The following NOL10 variants were observed in gnomAD, a reference collection of about 807,000 sequenced individuals.
NOL10 encodes the protein nucleolar protein 10, also known as H_NH0074G24.1.
NOL10 carries 58 observed loss-of-function variants against 103.5 expected under a neutral mutation model. That is an observed-to-expected ratio of 0.56 (90% confidence interval 0.45 to 0.70). NOL10 has a LOEUF of 0.70. Ranked by LOEUF, NOL10 falls within the 30% of genes least tolerant of loss-of-function variation. The pLI is 0.00. For synonymous variants in NOL10, 287 were observed against 282.5 expected (o/e 1.02, Z -0.16); for missense variants, 763 against 807.3 (o/e 0.95, Z 0.67).
chr2:10,575,254 T>C (rs936162142), intron 20 of NOL10, among the ~76,000 whole-genome samples: 1 of 152,250 alleles, frequency 6.6e-6, no homozygotes, highest in South Asian at 2.1e-4. Flanking sequence ...TTAAACGACA[T>C]TAAAGCATGG....
At chr2:10,597,034 A>G (rs1335669650) in intron 17 of NOL10, among the ~76,000 whole-genome samples, 2 of 152,002 alleles carry the variant, frequency 1.3e-5, no homozygotes, top group Admixed American at 6.6e-5. Context: ...CAGTGGTGTG[A>G]TCATGGCTCA....
In NOL10 at chr2:10,683,166, C is replaced by G. The variant is rs1681902600; in HGVS notation, c.113-1097G>C. ...CCAATTATCTGCAGACAAGAGGAAA[C>G]CCCTTTGATACCTTAGGTTTTTAAA... On this transcript the variant is annotated intron_variant, in intron 2 of 20. Transcript: ENST00000381685. 2.0e-5 allele frequency among the ~76,000 whole-genome samples: 3 copies of G among 152,120 alleles called. 1 individual carries two copies. Among genetic ancestry groups the G allele is most frequent in the Admixed American group, 1.3e-4 (2 of 15,264 alleles).
intron 4 of NOL10, among the ~76,000 whole-genome samples, chr2:10,674,563 G>A (rs1681168306): frequency 6.6e-6 from 1 of 152,224 alleles, no homozygotes; most frequent in African/African-American, 2.4e-5. Flanking sequence ...GTTTCAGCTG[G>A]GCGCAGTGGC....
intron 9 of NOL10, among the ~76,000 whole-genome samples, chr2:10,660,637 T>C (rs1323797342): frequency 6.6e-6 from 1 of 151,988 alleles, no homozygotes; most frequent in African/African-American, 2.4e-5. Context: ...TCTTATCGAG[T>C]TTTACAATTT....
At chr2:10,636,626 AG>A (rs1433767781) in intron 13 of NOL10, among the ~76,000 whole-genome samples, 39 of 146,824 alleles carry the variant, frequency 2.7e-4, no homozygotes, top group Non-Finnish European at 4.8e-4. Context: ...AAAAAAAAAA[AG>A]TATCTTCTTA....
chr2:10,638,483 CTTTTTTTTTTTTT>C (rs869294782), intron 13 of NOL10, among the ~76,000 whole-genome samples: 8 of 77,784 alleles, frequency 1.0e-4, no homozygotes, highest in African/African-American at 2.7e-4. Flanking sequence ...GCTGAATTCC[CTTTTTTTTTTTTT>C]TTTTTTTTTT....
intron 13 of NOL10, among the ~76,000 whole-genome samples, chr2:10,635,699 G>T (rs749695373): frequency 6.6e-6 from 1 of 152,154 alleles, no homozygotes; most frequent in African/African-American, 2.4e-5. Context: ...CAAGGGCGGT[G>T]AGTGTACAAT....
chr2:10,615,564 G>A (rs1040817754), intron 13 of NOL10, among the ~76,000 whole-genome samples: 1 of 152,196 alleles, frequency 6.6e-6, no homozygotes, highest in Admixed American at 6.5e-5. Context: ...TACCCCCATC[G>A]CTGTCAAGCC....
At chr2:10,643,946 A>G (rs578082293) in intron 13 of NOL10, among the ~76,000 whole-genome samples, 1 of 152,276 alleles carries the variant, frequency 6.6e-6, no homozygotes, top group Admixed American at 6.5e-5. Context: ...TCCTCAATAC[A>G]TCCAATTTAA....
intron 6 of NOL10, among the ~76,000 whole-genome samples, chr2:10,671,112 CAGATAG>C (rs1680906726): frequency 6.6e-6 from 1 of 152,124 alleles, no homozygotes; most frequent in African/African-American, 2.4e-5. Flanking sequence ...ACAAAGTGAT[CAGATAG>C]AAACTGATTA....
At chr2:10,599,401 CA>C (rs1675861311) in intron 17 of NOL10, among the ~76,000 whole-genome samples, 1 of 152,108 alleles carries the variant, frequency 6.6e-6, no homozygotes, top group African/African-American at 2.4e-5. Context: ...GCTTAGCTAA[CA>C]AGAAGATCAG....
In NOL10 at chr2:10,672,994, C is replaced by CA. The variant is rs372610964; in HGVS notation, c.327+525dup. Among the ~76,000 whole-genome samples, 329 of 146,280 alleles carry CA rather than the reference C, an allele frequency of 2.2e-3. 3 individuals are homozygous for CA. Among genetic ancestry groups the CA allele is most frequent in the Non-Finnish European group, 3.1e-3 (204 of 66,368 alleles). On this transcript the variant is annotated intron_variant, in intron 5 of 20. Transcript: ENST00000381685. ...GGGTGACAGAGCAAGGCCCTGTCTC[C>CA]AAAAAAAAAGAGTTGAAAGATGGAC...
At chr2:10,682,117 C>A in intron 2 of NOL10, 48 bp from the exon 3 acceptor site, 1 of 826,962 alleles carries the variant, frequency 1.2e-6, no homozygotes, top group Non-Finnish European at 1.8e-6. Context: ...TGTGCTTATT[C>A]TCTATCATAA....
At chr2:10,581,244 A>C (rs1006705064) in intron 19 of NOL10, among the ~76,000 whole-genome samples, 38 of 148,980 alleles carry the variant, frequency 2.6e-4, no homozygotes, top group African/African-American at 8.9e-4. Flanking sequence ...AAAGTGCTCA[A>C]GCCTTTTTGG....
intron 13 of NOL10, 80 bp from the exon 14 acceptor site, chr2:10,607,391 G>C: frequency 7.0e-7 from 1 of 1,425,734 alleles, no homozygotes; most frequent in Admixed American, 2.7e-5. Flanking sequence ...ACCAGATTTT[G>C]TTAAACATGA....
chr2:10,589,636 A>AT lies in NOL10; in HGVS notation c.1537dup (p.Ile513AsnfsTer2). On this transcript the variant is annotated frameshift_variant, in exon 18 of 21. Transcript: ENST00000381685. LOFTEE classifies it high-confidence loss of function. ...TAGTTTCTTCTTCCTTTTTTCACTAATTTTTGAAACAAGTGGATTCAGAAG... is the reference window on the plus strand; with the variant it reads ...TAGTTTCTTCTTCCTTTTTTCACTAATTTTTTGAAACAAGTGGATTCAGAAG... 1 of 1,589,518 alleles carries AT rather than the reference A, an allele frequency of 6.3e-7. No individual in the cohort carries two copies. Among genetic ancestry groups the AT allele is most frequent in the South Asian group, 1.2e-5 (1 of 84,472 alleles).
At chr2:10,666,831 T>A (rs1415109787) in intron 8 of NOL10, among the ~76,000 whole-genome samples, 1 of 152,142 alleles carries the variant, frequency 6.6e-6, no homozygotes, top group Non-Finnish European at 1.5e-5. Context: ...TTTGAAAGGA[T>A]ACTACTCCAA....
intron 3 of NOL10, among the ~76,000 whole-genome samples, chr2:10,679,626 C>CTCTT (rs764418613): frequency 1.0e-5 from 1 of 97,278 alleles, no homozygotes; most frequent in Non-Finnish European, 3.0e-5. Flanking sequence ...CTCTTTCTCT[C>CTCTT]TCTTTCTTTC....
chr2:10,593,273 G>A (rs1334892908), intron 17 of NOL10, among the ~76,000 whole-genome samples: 3 of 152,024 alleles, frequency 2.0e-5, no homozygotes, highest in Admixed American at 1.3e-4. Flanking sequence ...TGGAGTAGCT[G>A]GGATTACAGG....
Sources: allele counts gnomAD v4.1 joint callset (sites outside exome capture counted in the v4.1 genomes callset), GRCh38; gene constraint gnomAD v4.1.1; transcripts MANE v1.5; gene names NCBI Gene and HGNC (gene_info 2026-07-23, HGNC 2026-07-21).